The following MTUS2 variants were observed in gnomAD, a reference collection of about 807,000 sequenced individuals.
MTUS2 encodes microtubule-associated tumor suppressor candidate 2.
A neutral mutation model predicts 114.1 loss-of-function variants in MTUS2; 40 were observed. The observed-to-expected ratio is 0.35, with a 90% CI of 0.27 to 0.46. The LOEUF (loss-of-function observed/expected upper bound fraction) is 0.46. Ranked by LOEUF, MTUS2 falls within the 20% of genes least tolerant of loss-of-function variation. The pLI, the probability that MTUS2 is intolerant of heterozygous loss-of-function variation, is 1.00. For missense variants in MTUS2, 1,679 were observed against 1,705.4 expected (o/e 0.98, Z 0.27); for synonymous variants, 688 against 672.0 (o/e 1.02, Z -0.37).
intron 2 of MTUS2, among the ~76,000 whole-genome samples, chr13:28,878,532 T>A (rs1368229815): frequency 6.6e-6 from 1 of 152,208 alleles, no homozygotes; most frequent in Non-Finnish European, 1.5e-5. Flanking sequence ...CTTCTCCCTG[T>A]GTCCATGTGT....
chr13:28,895,941 G>A (rs1879239555), intron 2 of MTUS2, among the ~76,000 whole-genome samples: 2 of 152,142 alleles, frequency 1.3e-5, no homozygotes, highest in South Asian at 4.1e-4. Flanking sequence ...ATAATGTGGT[G>A]TGGGAACATT....
intron 5 of MTUS2, among the ~76,000 whole-genome samples, chr13:29,238,918 G>T (rs1313348584): frequency 6.6e-6 from 1 of 152,196 alleles, no homozygotes; most frequent in African/African-American, 2.4e-5. Flanking sequence ...ACTCATGGAA[G>T]CAGAGAGTGG....
intron 4 of MTUS2, among the ~76,000 whole-genome samples, chr13:29,062,060 C>T (rs143255176): frequency 1.3e-5 from 2 of 152,322 alleles, no homozygotes; most frequent in African/African-American, 2.4e-5. Context: ...TCTTGGCTCA[C>T]GCTAACCCCT....
At chr13:28,976,770 A>ATAAC (rs1337646244) in intron 2 of MTUS2, among the ~76,000 whole-genome samples, 2 of 152,254 alleles carry the variant, frequency 1.3e-5, no homozygotes, top group Non-Finnish European at 2.9e-5. Flanking sequence ...ATCAGCTGTT[A>ATAAC]GGAAGCATCA....
At chr13:28,851,132 C>T (rs1365434622) in intron 2 of MTUS2, among the ~76,000 whole-genome samples, 2 of 152,108 alleles carry the variant, frequency 1.3e-5, no homozygotes, top group Non-Finnish European at 2.9e-5. Flanking sequence ...TCTCTATGCT[C>T]TATTTTGTCT....
intron 7 of MTUS2, among the ~76,000 whole-genome samples, chr13:29,346,713 A>T (rs1331366466): frequency 6.9e-6 from 1 of 144,372 alleles, no homozygotes; most frequent in Non-Finnish European, 1.5e-5. Flanking sequence ...AATCGTTTCA[A>T]AGTTCAGCTG....
At chr13:28,954,549 C>A (rs1056049104) in intron 2 of MTUS2, among the ~76,000 whole-genome samples, 2 of 152,046 alleles carry the variant, frequency 1.3e-5, no homozygotes, top group African/African-American at 2.4e-5. Context: ...TTCATAGTGG[C>A]CCATATGGGG....
chr13:29,226,433 G>A (rs933599938), intron 5 of MTUS2, among the ~76,000 whole-genome samples: 79 of 152,182 alleles, frequency 5.2e-4, no homozygotes, highest in African/African-American at 1.8e-3. Context: ...AAATATCAAA[G>A]CTTTTCAGAT....
intron 2 of MTUS2, among the ~76,000 whole-genome samples, chr13:28,973,963 T>C (rs1883972223): frequency 6.6e-6 from 1 of 152,254 alleles, no homozygotes; most frequent in African/African-American, 2.4e-5. Context: ...CCTGTGTTTT[T>C]ATGTAAGTGA....
At chr13:29,331,246 T>C (rs1900764897) in intron 7 of MTUS2, among the ~76,000 whole-genome samples, 1 of 152,158 alleles carries the variant, frequency 6.6e-6, no homozygotes, top group Non-Finnish European at 1.5e-5. Context: ...TTGTCTAGTA[T>C]TGGTGTATAG....
intron 8 of MTUS2, among the ~76,000 whole-genome samples, chr13:29,386,374 G>A (rs1439773036): frequency 2.0e-5 from 3 of 152,316 alleles, no homozygotes; most frequent in South Asian, 2.1e-4. Context: ...AAGGGTAAGG[G>A]ATTTGCACTA....
At chr13:29,381,050 T>C (rs948502802) in intron 8 of MTUS2, among the ~76,000 whole-genome samples, 5 of 144,280 alleles carry the variant, frequency 3.5e-5, no homozygotes, top group African/African-American at 8.5e-5. Context: ...AGGAGGATGA[T>C]GCTGTAGCAA....
intron 1 of MTUS2, among the ~76,000 whole-genome samples, chr13:28,821,783 A>C (rs965699843): frequency 7.9e-5 from 12 of 152,246 alleles, no homozygotes; most frequent in Non-Finnish European, 1.8e-4. Context: ...ACAGTGGTTT[A>C]AGGTAAGTCA....
intron 5 of MTUS2, among the ~76,000 whole-genome samples, chr13:29,242,939 A>C (rs1230225295): frequency 6.6e-6 from 1 of 152,210 alleles, no homozygotes; most frequent in Admixed American, 6.5e-5. Flanking sequence ...CCACTGGTTT[A>C]GGAGACTGGG....
At chr13:29,090,561 A>G (rs772253532) in intron 4 of MTUS2, among the ~76,000 whole-genome samples, 4 of 152,178 alleles carry the variant, frequency 2.6e-5, no homozygotes, top group South Asian at 2.1e-4. Context: ...AAATGTTCCA[A>G]TGGGAAGGCA....
At position 29,025,665 on chromosome 13, in the gene MTUS2, G is replaced by C. The variant is rs1300688285; in HGVS notation, c.967G>C (p.Glu323Gln). The C allele has an allele frequency of 9.3e-6, 15 of 1,613,960 alleles. No homozygotes were observed. The highest frequency in any genetic ancestry group is 1.2e-5 in the Non-Finnish European group (14 of 1,179,914). The stretch of plus-strand genomic sequence containing the variant: ...TGTTCCTCCCAGGAGAGTTGAACAG[G>C]AGGGAAAGGCAGCCCAGGAAGGGTA... ...KYVPPRRVEQ[E>Q]GKAAQEGYLG... is the part of the protein sequence containing the mutation. Residue 323 changes from glutamate to glutamine, a missense_variant, in exon 3 of 16, where the codon GAG becomes CAG. Glu to Gln is a conservative substitution (Grantham distance 29). Around this residue, in one of 3 missense-constraint regions of MTUS2, gnomAD observed 843 missense variants for 770.8 expected, o/e 1.09. Transcript: ENST00000612955.
Position 29,504,189 on chromosome 13 carries a change from G to T in MTUS2, c.*983G>T, listed in dbSNP as rs1566244447. 3 of 232,202 alleles carry T rather than the reference G, an allele frequency of 1.3e-5. No individual in the cohort carries two copies. Among genetic ancestry groups the T allele is most frequent in the Middle Eastern group, 1.3e-3 (1 of 772 alleles). The allele number at this position is 232,202 out of a possible 1,614,324, so 14.4% of individuals were successfully genotyped here. ...CCTCATGAAGGAAATTGCTGCCAAG[G>T]TCTGTATTTTGACCAGGCACAGAGG... On this transcript the variant is annotated 3_prime_UTR_variant, in exon 16 of 16. Transcript: ENST00000612955.
At chr13:29,076,108 A>T (rs1889181850) in intron 4 of MTUS2, among the ~76,000 whole-genome samples, 1 of 152,196 alleles carries the variant, frequency 6.6e-6, no homozygotes, top group Admixed American at 6.5e-5. Context: ...ATTCATTAAC[A>T]AGAATTCACT....
chr13:29,469,411 G>A (rs577166605), intron 9 of MTUS2, among the ~76,000 whole-genome samples: 1 of 152,080 alleles, frequency 6.6e-6, no homozygotes, highest in Non-Finnish European at 1.5e-5. Flanking sequence ...GGTGGATCAC[G>A]AGGTCAGGAG....
Sources: gnomAD v4.1 joint callset for allele counts (sites outside exome capture counted in the v4.1 genomes callset) on GRCh38, gnomAD v4.1.1 for gene constraint, gnomAD v4.1.1 regional missense constraint, MANE v1.5 for transcripts, NCBI Gene and HGNC (gene_info 2026-07-23, HGNC 2026-07-21) for gene names.